Variants in MARCHF4 observed in about 807,000 individuals in gnomAD.
The protein encoded by MARCHF4 is membrane associated ring-CH-type finger 4.
Under a neutral mutation model 43.9 loss-of-function variants are expected in MARCHF4, and 14 were observed. The ratio of observed to expected loss-of-function variants is 0.32; its 90% CI spans 0.21 to 0.50. The LOEUF (loss-of-function observed/expected upper bound fraction) is 0.50. MARCHF4 is among the 20% of genes least tolerant of loss of function. The pLI is 0.98. For synonymous variants in MARCHF4, 226 were observed against 213.3 expected (o/e 1.06, Z -0.52); for missense variants, 468 against 536.7 (o/e 0.87, Z 1.27).
intron 1 of MARCHF4, among the ~76,000 whole-genome samples, chr2:216,359,033 T>C (rs1692540065): frequency 6.6e-6 from 1 of 152,180 alleles, no homozygotes; most frequent in Non-Finnish European, 1.5e-5. Flanking sequence ...AATTTATGGT[T>C]GTATTAGTCA....
intron 3 of MARCHF4, among the ~76,000 whole-genome samples, chr2:216,271,347 G>C (rs1354324921): frequency 6.6e-6 from 1 of 152,116 alleles, no homozygotes; most frequent in Non-Finnish European, 1.5e-5. Flanking sequence ...GATGAACTTT[G>C]ATTTGTCTTT....
chr2:216,343,053 G>A (rs78380861), intron 1 of MARCHF4, among the ~76,000 whole-genome samples: 1 of 152,134 alleles, frequency 6.6e-6, no homozygotes, highest in Admixed American at 6.5e-5. Context: ...CCAAAGGACT[G>A]GGACTGGTGG....
At chr2:216,293,995 A>G (rs1331994900) in intron 1 of MARCHF4, among the ~76,000 whole-genome samples, 1 of 152,074 alleles carries the variant, frequency 6.6e-6, no homozygotes, top group Non-Finnish European at 1.5e-5. Flanking sequence ...CATTGTTACC[A>G]AACAGCTACA....
intron 1 of MARCHF4, among the ~76,000 whole-genome samples, chr2:216,368,555 G>T (rs1331640506): frequency 6.6e-6 from 1 of 152,188 alleles, no homozygotes; most frequent in East Asian, 1.9e-4. Flanking sequence ...GCAAGAAAAT[G>T]AATGAAAATG....
chr2:216,282,422 C>T (rs1417292082), intron 2 of MARCHF4, among the ~76,000 whole-genome samples: 3 of 152,058 alleles, frequency 2.0e-5, no homozygotes, highest in Non-Finnish European at 2.9e-5. Context: ...ACCCCACCGC[C>T]ACCATCCCTC....
At chr2:216,287,358 A>T (rs1288713880) in intron 1 of MARCHF4, among the ~76,000 whole-genome samples, 3 of 152,008 alleles carry the variant, frequency 2.0e-5, no homozygotes, top group Non-Finnish European at 4.4e-5. Context: ...GGCTGGGAGG[A>T]TTACTGTGAT....
At chr2:216,314,168 T>C (rs1180740402) in intron 1 of MARCHF4, among the ~76,000 whole-genome samples, 1 of 152,356 alleles carries the variant, frequency 6.6e-6, no homozygotes, top group East Asian at 1.9e-4. Flanking sequence ...GGATTTAGCA[T>C]GCAATGACTT....
At chr2:216,277,354 G>C (rs951057131) in intron 3 of MARCHF4, among the ~76,000 whole-genome samples, 3 of 152,208 alleles carry the variant, frequency 2.0e-5, no homozygotes, top group Non-Finnish European at 4.4e-5. Flanking sequence ...ACAGTGGAGA[G>C]GAGGCCATGC....
chr2:216,288,071 TC>T (rs1691246065), intron 1 of MARCHF4, among the ~76,000 whole-genome samples: 1 of 152,156 alleles, frequency 6.6e-6, no homozygotes, highest in Admixed American at 6.5e-5. Flanking sequence ...CAAGTGATCC[TC>T]CCACCTCAGC....
chr2:216,345,830 T>G (rs900770230), intron 1 of MARCHF4, among the ~76,000 whole-genome samples: 3 of 152,204 alleles, frequency 2.0e-5, no homozygotes, highest in African/African-American at 4.8e-5. Flanking sequence ...TGTTCTCCAC[T>G]GAAGCCTGAG....
intron 3 of MARCHF4, among the ~76,000 whole-genome samples, chr2:216,263,493 A>AGAG (rs1559280497): frequency 3.4e-5 from 2 of 58,978 alleles, no homozygotes; most frequent in Non-Finnish European, 1.1e-4. Flanking sequence ...AGGAGAGAGA[A>AGAG]AGAGAGAGAG....
At chr2:216,345,586 C>T (rs952454191) in intron 1 of MARCHF4, among the ~76,000 whole-genome samples, 1 of 152,132 alleles carries the variant, frequency 6.6e-6, no homozygotes, top group Non-Finnish European at 1.5e-5. Flanking sequence ...TGGTCCCACC[C>T]CTAGGGATTG....
At chr2:216,315,990 C>T (rs909782430) in intron 1 of MARCHF4, among the ~76,000 whole-genome samples, 3 of 152,072 alleles carry the variant, frequency 2.0e-5, no homozygotes, top group Non-Finnish European at 2.9e-5. Context: ...CTAAGGGAGG[C>T]GACATCCTCC....
intron 1 of MARCHF4, among the ~76,000 whole-genome samples, chr2:216,360,781 T>C (rs1692564879): frequency 6.6e-6 from 1 of 152,228 alleles, no homozygotes; most frequent in Admixed American, 6.5e-5. Flanking sequence ...TGTGTCAGTG[T>C]AGGGTCAGTT....
chr2:216,339,939 A>T (rs1264663751), intron 1 of MARCHF4, among the ~76,000 whole-genome samples: 1 of 151,286 alleles, frequency 6.6e-6, no homozygotes, highest in Admixed American at 6.6e-5. Flanking sequence ...CTGGAAAACA[A>T]CTCCTTAAAT....
chr2:216,328,210 G>A (rs113766260), intron 1 of MARCHF4, among the ~76,000 whole-genome samples: 235 of 152,162 alleles, frequency 1.5e-3, no homozygotes, highest in Non-Finnish European at 2.2e-3. Context: ...TCGCTCTGAC[G>A]CCAGGCTAGA....
At chr2:216,329,334 T>C (rs1279304733) in intron 1 of MARCHF4, among the ~76,000 whole-genome samples, 3 of 152,166 alleles carry the variant, frequency 2.0e-5, no homozygotes, top group Non-Finnish European at 4.4e-5. Flanking sequence ...TGAGCCGAGA[T>C]GGCGCCACTG....
intron 1 of MARCHF4, among the ~76,000 whole-genome samples, chr2:216,307,704 G>A (rs767008806): frequency 6.6e-6 from 1 of 152,118 alleles, no homozygotes; most frequent in Non-Finnish European, 1.5e-5. Context: ...GTGACAGCTC[G>A]ACTGAATACA....
At chr2:216,340,216 T>C (rs181666787) in intron 1 of MARCHF4, among the ~76,000 whole-genome samples, 117 of 152,280 alleles carry the variant, frequency 7.7e-4, no homozygotes, top group African/African-American at 2.5e-3. Flanking sequence ...GCCTGGGTGC[T>C]TGGAACCAGT....
Sources: allele counts gnomAD v4.1 joint callset (sites outside exome capture counted in the v4.1 genomes callset), GRCh38; gene constraint gnomAD v4.1.1; transcripts MANE v1.5; gene names NCBI Gene and HGNC (gene_info 2026-07-23, HGNC 2026-07-21).